Variants in ELFN1 observed in about 807,000 individuals in gnomAD.
ELFN1 encodes protein ELFN1.
ELFN1 carries 6 observed loss-of-function variants against 7.6 expected under a neutral mutation model. The ratio of observed to expected loss-of-function variants is 0.79; its 90% confidence interval spans 0.43 to 1.56. The LOEUF (loss-of-function observed/expected upper bound fraction) is 1.56. Among genes scored for constraint, ELFN1 ranks in the 40% most tolerant of loss-of-function variants. The probability of loss-of-function intolerance (pLI) is 0.01; values close to 1 mark genes in which losing one functional copy is unlikely to be tolerated. For synonymous variants in ELFN1, 657 were observed against 588.1 expected (o/e 1.12, Z -1.70); for missense variants, 1,169 against 1,232.2 (o/e 0.95, Z 0.77).
At chr7:1,700,797 C>T (rs115723234) in intron 2 of ELFN1, among the ~76,000 whole-genome samples, 3,092 of 152,350 alleles carry the variant, frequency 0.02, 45 homozygotes, top group African/African-American at 0.05. Flanking sequence ...GAAGCCTCGC[C>T]GGTCTGGCGG....
rs1780756050 is a variant in ELFN1, at chr7:1,745,566, C to G, written c.970C>G (p.Leu324Val). ...CCGCCCCCTCATCAAGGTCAAGCAG[C>G]TCACTCAGAACTCGGCCACCATCAC... ...EARPLIKVKQLTQNSATITVQ... is the reference protein window; with the variant it reads ...EARPLIKVKQVTQNSATITVQ... Residue 324 changes from leucine (L) to valine (V), a missense_variant, in exon 4 of 4, where the codon CTC (leucine) becomes GTC (valine). This residue lies in a region of ELFN1 where 914 missense variants were observed against 872.6 expected (regional missense o/e 1.05). Transcript: ENST00000424383. 2 of 1,550,352 alleles carry G rather than the reference C, an allele frequency of 1.3e-6. No individual in the cohort carries two copies. The highest frequency in any genetic ancestry group is 1.2e-5 in the South Asian group (1 of 84,070).
intron 2 of ELFN1, among the ~76,000 whole-genome samples, chr7:1,708,736 C>G (rs1764093529): frequency 6.6e-6 from 1 of 152,076 alleles, no homozygotes; most frequent in African/African-American, 2.4e-5. Context: ...CAGAAGTGAG[C>G]CCCACCTTTA....
chr7:1,687,004 C>T (rs942402463), intron 1 of ELFN1, among the ~76,000 whole-genome samples: 3 of 151,928 alleles, frequency 2.0e-5, no homozygotes, highest in Non-Finnish European at 4.4e-5. Flanking sequence ...GCACTTCTGC[C>T]AGACGAGAGT....
chr7:1,679,128 TACAC>T (rs746725942), intron 1 of ELFN1, among the ~76,000 whole-genome samples: 10 of 151,492 alleles, frequency 6.6e-5, no homozygotes, highest in Non-Finnish European at 1.0e-4. Flanking sequence ...ACCCCCCACA[TACAC>T]ACACACGCGT....
chr7:1,700,985 A>T (rs1381338776), intron 2 of ELFN1, among the ~76,000 whole-genome samples: 3 of 152,190 alleles, frequency 2.0e-5, no homozygotes, highest in Non-Finnish European at 4.4e-5. Context: ...GTGTTTATAG[A>T]TTCTGAATGA....
At chr7:1,701,353 T>A (rs1291714690) in intron 2 of ELFN1, among the ~76,000 whole-genome samples, 1 of 152,200 alleles carries the variant, frequency 6.6e-6, no homozygotes, top group Non-Finnish European at 1.5e-5. Context: ...GCCTGGCTAA[T>A]TTTTTACACA....
At chr7:1,686,966 C>T (rs1166527912) in intron 1 of ELFN1, among the ~76,000 whole-genome samples, 1 of 152,028 alleles carries the variant, frequency 6.6e-6, no homozygotes, top group Non-Finnish European at 1.5e-5. Flanking sequence ...CATTCACTTG[C>T]CACCGAGATT....
chr7:1,732,458 G>C (rs1163001051), intron 3 of ELFN1, among the ~76,000 whole-genome samples: 1 of 152,182 alleles, frequency 6.6e-6, no homozygotes, highest in Non-Finnish European at 1.5e-5. Flanking sequence ...GCTCCAGCCT[G>C]GGTGGAGATG....
At chr7:1,701,980 T>C (rs1779436987) in intron 2 of ELFN1, among the ~76,000 whole-genome samples, 1 of 152,194 alleles carries the variant, frequency 6.6e-6, no homozygotes, top group Non-Finnish European at 1.5e-5. Flanking sequence ...TTCAATTTAT[T>C]GAAAAGTTAT....
chr7:1,695,246 T>C lies in ELFN1; in HGVS notation c.-456+7096T>C, dbSNP rs1208642748. On this transcript the variant is annotated intron_variant, in intron 2 of 3. Coordinates refer to ENST00000424383, the MANE Select transcript of ELFN1 (RefSeq NM_001128636.4). The surrounding 1 kb of genome is among the most constrained non-coding windows in gnomAD (Gnocchi z 5.1). ...GCTCCTGCCTGAGAACCCCAGGAAG[T>C]AGTAGCGTGCCAGGTGCGTGGCCGG... is the stretch of plus-strand genomic sequence containing the variant. Among the ~76,000 whole-genome samples the C allele has an allele frequency of 6.6e-6, 1 of 152,104 alleles. No homozygotes were observed. Among genetic ancestry groups the C allele is most frequent in the Non-Finnish European group, 1.5e-5 (1 of 68,000 alleles).
upstream of ELFN1, among the ~76,000 whole-genome samples, chr7:1,670,175 G>A (rs950898565): frequency 4.0e-5 from 6 of 148,996 alleles, no homozygotes; most frequent in African/African-American, 1.2e-4. The surrounding 1 kb of genome is among the most constrained non-coding windows in gnomAD (Gnocchi z 6.4). Context: ...GGGAGGGAAG[G>A]GGGGCGGGAG....
At chr7:1,704,683 C>A (rs759868696) in intron 2 of ELFN1, among the ~76,000 whole-genome samples, 1 of 152,104 alleles carries the variant, frequency 6.6e-6, no homozygotes, top group Non-Finnish European at 1.5e-5. Flanking sequence ...CACTCTGAGA[C>A]CCCACATCAC....
intron 2 of ELFN1, among the ~76,000 whole-genome samples, chr7:1,706,297 C>T (rs1283632000): frequency 1.3e-5 from 2 of 152,180 alleles, no homozygotes; most frequent in Admixed American, 6.5e-5. Context: ...GTGGTGGGTG[C>T]CTGTGATCCC....
At position 1,746,076 on chromosome 7, in the gene ELFN1, G is replaced by T; in HGVS notation, c.1480G>T (p.Val494Leu). 1 of 1,547,130 alleles carries T rather than the reference G, an allele frequency of 6.5e-7. No homozygotes were observed. ...GGGCCCGCTGCTGGGCCCCGAGGCCGTGACGCGCATCCCTTACCTGCCTGC... is the reference window on the plus strand; with the variant it reads ...GGGCCCGCTGCTGGGCCCCGAGGCCTTGACGCGCATCCCTTACCTGCCTGC... ...SQGPLLGPEA[V>L]TRIPYLPAAG... The change falls in exon 4 of 4, where the codon GTG becomes TTG. Residue 494 changes from valine to leucine, a missense_variant. Val to Leu is a conservative substitution (Grantham distance 32). This residue lies in a region of ELFN1 where 914 missense variants were observed against 872.6 expected (regional missense o/e 1.05). Coordinates refer to ENST00000424383, the MANE Select transcript of ELFN1 (RefSeq NM_001128636.4).
intron 3 of ELFN1, among the ~76,000 whole-genome samples, chr7:1,712,308 G>C (rs964883776): frequency 1.3e-5 from 2 of 152,112 alleles, no homozygotes; most frequent in Non-Finnish European, 2.9e-5. Context: ...TTTTAGTAGA[G>C]ACGGGGTTTC....
At chr7:1,701,466 T>C (rs1265451002) in intron 2 of ELFN1, among the ~76,000 whole-genome samples, 1 of 152,242 alleles carries the variant, frequency 6.6e-6, no homozygotes, top group East Asian at 1.9e-4. Context: ...TATTTATCAA[T>C]ATATTCTTGC....
At chr7:1,721,866 C>A (rs557256459) in intron 3 of ELFN1, among the ~76,000 whole-genome samples, 430 of 152,326 alleles carry the variant, frequency 2.8e-3, no homozygotes, top group African/African-American at 1.0e-2. Context: ...GATTCTGTGA[C>A]ACTCCCTTCC....
At position 1,703,028 on chromosome 7, in the gene ELFN1, G is replaced by A. The variant is rs554023671; in HGVS notation, c.-455-6063G>A. Among the ~76,000 whole-genome samples, 129 of 152,296 alleles carry A rather than the reference G, an allele frequency of 8.5e-4. 1 individual carries two copies. The highest frequency in any genetic ancestry group is 2.9e-3 in the African/African-American group (122 of 41,554). ...ATTTCACCACAACCGTGCCAGCACT[G>A]CAATGCACTGGGATTTATTTTTAGT... On this transcript the variant is annotated intron_variant, in intron 2 of 3. Transcript: ENST00000424383.
At position 1,712,180 on chromosome 7, in the gene ELFN1, T is replaced by TTTCTTTTCTTTTCTC. The variant is rs1779676254; in HGVS notation, c.-294+2942_-294+2943insCTTCTTTTCTTTTCT. On this transcript the variant is annotated intron_variant, in intron 3 of 3. Coordinates refer to ENST00000424383, the MANE Select transcript of ELFN1 (RefSeq NM_001128636.4). ...CTGTCCCCCAAGTTTGTCTGTTTCTTTTCTTTTCTTTTCTTTTCTTTGAGA... is the reference window on the plus strand; with the variant it reads ...CTGTCCCCCAAGTTTGTCTGTTTCTTTTCTTTTCTTTTCTCTTCTTTTCTTTTCTTTTCTTTGAGA... Among the ~76,000 whole-genome samples the TTTCTTTTCTTTTCTC allele has an allele frequency of 2.6e-5, 4 of 151,998 alleles. No homozygotes were observed. In the South Asian group the frequency reaches 8.3e-4, roughly 32 times the overall value.
Sources: allele counts gnomAD v4.1 joint callset (sites outside exome capture counted in the v4.1 genomes callset), GRCh38; gene constraint gnomAD v4.1.1; regional missense constraint gnomAD v4.1.1; non-coding constraint Gnocchi (gnomAD v3.1); transcripts MANE v1.5; gene names NCBI Gene and HGNC (gene_info 2026-07-23, HGNC 2026-07-21).